The following GPATCH2 variants were observed in gnomAD, a reference collection of about 807,000 sequenced individuals.
GPATCH2 encodes G-patch domain containing 2.
Under a neutral mutation model 58.0 loss-of-function variants are expected in GPATCH2, and 51 were observed. The observed-to-expected ratio is 0.88, with a 90% CI of 0.70 to 1.11. GPATCH2 has a LOEUF of 1.11. Among genes scored for constraint, GPATCH2 ranks in the 50% most tolerant of loss-of-function variants. The probability of loss-of-function intolerance (pLI) is 0.00; values close to 1 mark genes in which losing one functional copy is unlikely to be tolerated. For synonymous variants in GPATCH2, 222 were observed against 218.5 expected (o/e 1.02, Z -0.14); for missense variants, 625 against 652.2 (o/e 0.96, Z 0.45).
chr1:217,461,438 T>G (rs996076964), intron 8 of GPATCH2, among the ~76,000 whole-genome samples: 2 of 152,186 alleles, frequency 1.3e-5, no homozygotes, highest in Non-Finnish European at 2.9e-5. Context: ...CTAGCCAGAC[T>G]GTATATTCCT....
chr1:217,524,788 T>G (rs1181788669), intron 5 of GPATCH2, among the ~76,000 whole-genome samples: 2 of 140,530 alleles, frequency 1.4e-5, no homozygotes, highest in African/African-American at 2.6e-5. Context: ...GCAGGGAGGT[T>G]GCAGTGAGCC....
At chr1:217,629,241 A>G (rs1669614246) in intron 1 of GPATCH2, among the ~76,000 whole-genome samples, 1 of 148,972 alleles carries the variant, frequency 6.7e-6, no homozygotes, top group African/African-American at 2.5e-5. Flanking sequence ...ACAGATAGTC[A>G]TACAGATAGA....
In GPATCH2 at chr1:217,609,380, C is replaced by G. The variant is rs947329604; in HGVS notation, c.1098+941G>C. The G allele has an allele frequency of 1.2e-5, 12 of 984,076 alleles. No individual in the cohort carries two copies. In the East Asian group the frequency reaches 1.3e-3, roughly 103 times the overall value. The allele number at this position is 984,076 out of a possible 1,614,324, so 61.0% of individuals were successfully genotyped here. A position where few individuals can be genotyped will look rare whatever the true frequency, so the allele number is the denominator to read the frequency against. On this transcript the variant is annotated intron_variant, in intron 5 of 9. Transcript: ENST00000366935. ...CAGCTTTCACATGTTTCATTAAGCT[C>G]TAAACCAAAATAATAATTTTGATGT...
At position 217,620,335 on chromosome 1, in the gene GPATCH2, C is replaced by G; in HGVS notation, c.221G>C (p.Arg74Thr). Residue 74 changes from arginine (R) to threonine (T), a missense_variant, in exon 2 of 10, where the codon AGG becomes ACG. Physicochemically the swap from Arg to Thr is moderately conservative, Grantham distance 71. Coordinates refer to ENST00000366935, the MANE Select transcript of GPATCH2 (RefSeq NM_018040.5). ...CCACGGGTGATGCACATTATACGAC[C>G]TCCGTTTTCTCCCTCTCCTTTTCCT... ...QARKRRGRKR[R>T]SYNVHHPWET... The G allele has an allele frequency of 6.2e-7, 1 of 1,614,022 alleles. No individual in the cohort carries two copies. The highest frequency in any genetic ancestry group is 8.5e-7 in the Non-Finnish European group (1 of 1,180,012).
At chr1:217,489,241 T>C (rs1364733872) in intron 8 of GPATCH2, among the ~76,000 whole-genome samples, 2 of 152,096 alleles carry the variant, frequency 1.3e-5, no homozygotes, top group Non-Finnish European at 2.9e-5. Context: ...TTAATCCATT[T>C]TTAAAAAATG....
chr1:217,626,794 T>A (rs564669359), intron 1 of GPATCH2, among the ~76,000 whole-genome samples: 20 of 152,236 alleles, frequency 1.3e-4, no homozygotes, highest in African/African-American at 4.1e-4. Context: ...ACACTAAATG[T>A]CGACACTTAT....
chr1:217,630,474 A>C (rs1260308487), intron 1 of GPATCH2, among the ~76,000 whole-genome samples: 5 of 152,134 alleles, frequency 3.3e-5, no homozygotes, highest in African/African-American at 4.8e-5. Flanking sequence ...AAAGGGGGTG[A>C]GAGGGTGATG....
At chr1:217,537,513 C>G (rs1216376587) in intron 5 of GPATCH2, among the ~76,000 whole-genome samples, 7 of 152,092 alleles carry the variant, frequency 4.6e-5, no homozygotes, top group Admixed American at 2.0e-4. Flanking sequence ...CTTTCTAAAA[C>G]CCTGTCTCTC....
At chr1:217,462,696 G>A (rs151070005) in intron 8 of GPATCH2, among the ~76,000 whole-genome samples, 169 of 152,220 alleles carry the variant, frequency 1.1e-3, no homozygotes, top group African/African-American at 3.8e-3. Context: ...TATGGTGTTC[G>A]CTATAAACAT....
At chr1:217,492,046 TAGTC>T (rs1661771292) in intron 7 of GPATCH2, among the ~76,000 whole-genome samples, 2 of 152,126 alleles carry the variant, frequency 1.3e-5, no homozygotes, top group African/African-American at 4.8e-5. Flanking sequence ...ACTGCCCTCT[TAGTC>T]AGTTAAGATG....
chr1:217,517,159 A>C (rs1356088021), intron 5 of GPATCH2, among the ~76,000 whole-genome samples: 3 of 152,220 alleles, frequency 2.0e-5, no homozygotes, highest in Non-Finnish European at 2.9e-5. Flanking sequence ...AAAGATTTAC[A>C]GTTTCAAGTA....
chr1:217,518,030 G>A (rs1663255411), intron 5 of GPATCH2, among the ~76,000 whole-genome samples: 1 of 151,958 alleles, frequency 6.6e-6, no homozygotes, highest in Admixed American at 6.5e-5. Flanking sequence ...GAATTCTTAT[G>A]ATTCATTTGT....
At chr1:217,435,141 A>G (rs1401737031) in intron 9 of GPATCH2, among the ~76,000 whole-genome samples, 3 of 152,200 alleles carry the variant, frequency 2.0e-5, no homozygotes, top group Admixed American at 6.5e-5. Flanking sequence ...CGCAGTATAC[A>G]CCACAACCAT....
Position 217,577,789 on chromosome 1 carries a change from C to T in GPATCH2, c.1098+32532G>A, listed in dbSNP as rs1202214923. On this transcript the variant is annotated intron_variant, in intron 5 of 9. Transcript: ENST00000366935. ...TGAGATGGAATTTTGCTCCTGTTGC[C>T]CAGGCTGGAGTGCAATGGTGCGATC... is the stretch of plus-strand genomic sequence containing the variant. 2.0e-5 allele frequency among the ~76,000 whole-genome samples: 3 copies of T among 151,860 alleles called. No homozygotes were observed. The East Asian group carries it at 5.8e-4, about 29-fold the overall frequency.
intron 5 of GPATCH2, chr1:217,608,924 A>G (rs950861229): frequency 2.7e-5 from 27 of 983,730 alleles, no homozygotes; most frequent in South Asian, 4.7e-5. Context: ...GATGTCACAC[A>G]TTCCTGTTTA....
chr1:217,567,225 T>G (rs1315715126), intron 5 of GPATCH2, among the ~76,000 whole-genome samples: 1 of 152,076 alleles, frequency 6.6e-6, no homozygotes, highest in African/African-American at 2.4e-5. Flanking sequence ...TTTGTATTTT[T>G]ACTAGAGACG....
chr1:217,592,860 T>C (rs1024575877), intron 5 of GPATCH2, among the ~76,000 whole-genome samples: 5 of 151,960 alleles, frequency 3.3e-5, no homozygotes, highest in African/African-American at 1.2e-4. Flanking sequence ...ATCTGAAACC[T>C]AATTCAAATG....
intron 8 of GPATCH2, among the ~76,000 whole-genome samples, chr1:217,456,766 T>C (rs1056507008): frequency 6.6e-6 from 1 of 152,114 alleles, no homozygotes; most frequent in Non-Finnish European, 1.5e-5. Flanking sequence ...AAATAGAAAA[T>C]ACTTGTCTTA....
chr1:217,574,734 G>A (rs947081795), intron 5 of GPATCH2, among the ~76,000 whole-genome samples: 3 of 151,938 alleles, frequency 2.0e-5, no homozygotes, highest in African/African-American at 7.3e-5. Flanking sequence ...AGAAACAAAG[G>A]TACAGAGATT....
Sources: allele counts gnomAD v4.1 joint callset (sites outside exome capture counted in the v4.1 genomes callset), GRCh38; gene constraint gnomAD v4.1.1; transcripts MANE v1.5; gene names NCBI Gene and HGNC (gene_info 2026-07-23, HGNC 2026-07-21).